Variants in LSM1 observed in about 807,000 individuals in gnomAD.
The protein encoded by LSM1 is LSM1 homolog, mRNA degradation associated.
In LSM1, 13 loss-of-function variants were observed where a neutral mutation model predicts 18.0. The observed-to-expected ratio is 0.72, with a 90% CI of 0.47 to 1.15. LSM1 has a LOEUF of 1.15. Among genes scored for constraint, LSM1 ranks in the 50% most tolerant of loss-of-function variants. The probability of loss-of-function intolerance (pLI) is 0.00; values close to 1 mark genes in which losing one functional copy is unlikely to be tolerated. For missense variants in LSM1, 152 were observed against 157.7 expected (o/e 0.96, Z 0.19); for synonymous variants, 46 against 56.0 (o/e 0.82, Z 0.80).
Position 38,167,883 on chromosome 8 carries a change from T to C in LSM1, c.231+1919A>G, listed in dbSNP as rs1427118092. 4.0e-5 allele frequency among the ~76,000 whole-genome samples: 6 copies of C among 151,286 alleles called. No individual in the cohort carries two copies. The East Asian group carries it at 1.2e-3, about 30-fold the overall frequency. On this transcript the variant is annotated intron_variant, in intron 3 of 3. Coordinates refer to ENST00000311351, the MANE Select transcript of LSM1 (RefSeq NM_014462.3). Reference sequence around the variant, plus strand: ...GGGCAACATAGTGAGACCCCATCTCTGGAAGAAAAAAAATACTGGCAGACT... The same window carrying C: ...GGGCAACATAGTGAGACCCCATCTCCGGAAGAAAAAAAATACTGGCAGACT...
intron 2 of LSM1, among the ~76,000 whole-genome samples, chr8:38,170,777 C>G (rs1216260856): frequency 1.3e-5 from 2 of 152,234 alleles, no homozygotes; most frequent in Non-Finnish European, 2.9e-5. Context: ...TTAATAGCCA[C>G]TACCCTTCCC....
chr8:38,163,761 T>G lies in LSM1; in HGVS notation c.311A>C (p.Gln104Pro). The G allele has an allele frequency of 6.2e-7, 1 of 1,614,212 alleles. No homozygotes were observed. Among genetic ancestry groups the G allele is most frequent in the Non-Finnish European group, 8.5e-7 (1 of 1,180,026 alleles). The change falls in exon 4 of 4, where the codon CAG becomes CCG. Residue 104 changes from glutamine (Q) to proline (P), a missense_variant. Coordinates refer to ENST00000311351, the MANE Select transcript of LSM1 (RefSeq NM_014462.3). The stretch of plus-strand genomic sequence containing the variant: ...CAACTTCTCTGCTTCCAGCTTGGTC[T>G]GCTGTTCCACCCTTTGTTCTTCTAG... ...EILEEQRVEQ[Q>P]TKLEAEKLKV...
At chr8:38,174,253 CAT>C (rs1268375502) in intron 1 of LSM1, among the ~76,000 whole-genome samples, 1 of 151,838 alleles carries the variant, frequency 6.6e-6, no homozygotes, top group East Asian at 1.9e-4. Flanking sequence ...GACAGTAACA[CAT>C]GAGGGGAAGA....
upstream of LSM1, chr8:38,176,536 AGGCG>A (rs1563277196): frequency 1.7e-6 from 1 of 577,852 alleles, no homozygotes; most frequent in Non-Finnish European, 3.1e-6. Context: ...CCCCAGGAAG[AGGCG>A]GGGCAGCCGT....
intron 2 of LSM1, among the ~76,000 whole-genome samples, chr8:38,170,738 A>G (rs528784325): frequency 1.3e-5 from 2 of 152,334 alleles, no homozygotes; most frequent in South Asian, 2.1e-4. Flanking sequence ...ACCTTGACAG[A>G]TAACTATATT....
chr8:38,164,961 C>T (rs1802905198), intron 3 of LSM1, among the ~76,000 whole-genome samples: 1 of 152,174 alleles, frequency 6.6e-6, no homozygotes, highest in Non-Finnish European at 1.5e-5. Flanking sequence ...ACTCTTTTTC[C>T]CTTTACGGCA....
Position 38,163,489 on chromosome 8 carries a change from G to A in LSM1, c.*181C>T. On this transcript the variant is annotated 3_prime_UTR_variant, in exon 4 of 4. Transcript: ENST00000311351. ...CACTGTTTCTTTAAACAGTGATTTT[G>A]TTATTAAAAAAAAAACCCACCTACA... The A allele has an allele frequency of 1.9e-6, 1 of 536,606 alleles. No individual in the cohort carries two copies. Among genetic ancestry groups the A allele is most frequent in the Non-Finnish European group, 3.3e-6 (1 of 306,550 alleles). The allele number at this position is 536,606 out of a possible 1,614,324, so 33.2% of individuals were successfully genotyped here.
At chr8:38,172,178 C>T in intron 1 of LSM1, 145 bp from the exon 2 acceptor site, 1 of 537,524 alleles carries the variant, frequency 1.9e-6, no homozygotes, top group Non-Finnish European at 3.1e-6. Flanking sequence ...CTGAAAAAAG[C>T]AGCACAGCAA....
At chr8:38,165,497 A>C (rs549315395) in intron 3 of LSM1, among the ~76,000 whole-genome samples, 1 of 152,132 alleles carries the variant, frequency 6.6e-6, no homozygotes, top group South Asian at 2.1e-4. Flanking sequence ...CATTTTGATA[A>C]TATCCCTACA....
In LSM1 at chr8:38,163,495, A is replaced by G. The variant is rs1845; in HGVS notation, c.*175T>C. ...TTCTTTAAACAGTGATTTTGTTATT[A>G]AAAAAAAAACCCACCTACACGATTT... On this transcript the variant is annotated 3_prime_UTR_variant, in exon 4 of 4. Transcript: ENST00000311351. 15 of 421,790 alleles carry G rather than the reference A, an allele frequency of 3.6e-5. No individual in the cohort carries two copies. In the East Asian group the frequency reaches 5.1e-4, roughly 14 times the overall value. 26.1% of individuals were successfully genotyped at this position (421,790 alleles called of 1,614,324 possible).
At chr8:38,170,331 C>T (rs925682334) in intron 2 of LSM1, among the ~76,000 whole-genome samples, 4 of 152,182 alleles carry the variant, frequency 2.6e-5, no homozygotes, top group African/African-American at 7.2e-5. Flanking sequence ...GCCACAGTGC[C>T]GGGCCCCCAA....
At chr8:38,171,767 A>T (rs1324425512) in intron 2 of LSM1, among the ~76,000 whole-genome samples, 198 bp downstream of exon 2, 1 of 152,236 alleles carries the variant, frequency 6.6e-6, no homozygotes, top group East Asian at 1.9e-4. Flanking sequence ...AGTTTTAGAA[A>T]CGAGCTTGGA....
At position 38,176,365 on chromosome 8, in the gene LSM1, C is replaced by G. The variant is rs758874491; in HGVS notation, c.-45G>C. 1 of 1,552,740 alleles carries G rather than the reference C, an allele frequency of 6.4e-7. No homozygotes were observed. On this transcript the variant is annotated 5_prime_UTR_variant, in exon 1 of 4. Coordinates refer to ENST00000311351, the MANE Select transcript of LSM1 (RefSeq NM_014462.3). ...GCAATGCACAGCGGCGGGAGGCCAG[C>G]GCGTCCAAAACCTCTTCCCTCCTAC...
intron 1 of LSM1, among the ~76,000 whole-genome samples, chr8:38,174,529 G>C (rs1336696839): frequency 6.6e-6 from 1 of 152,104 alleles, no homozygotes; most frequent in South Asian, 2.1e-4. Context: ...GGGGTTAGAG[G>C]ACCAAAGAGC....
At chr8:38,175,974 C>A in intron 1 of LSM1, 1 of 325,654 alleles carries the variant, frequency 3.1e-6, no homozygotes, top group Non-Finnish European at 5.7e-6. Flanking sequence ...CCTCCCCGGG[C>A]TTCTTTCGTG....
At chr8:38,176,223 C>T in intron 1 of LSM1, 52 bp downstream of exon 1, 2 of 1,549,582 alleles carry the variant, frequency 1.3e-6, no homozygotes, top group Non-Finnish European at 1.8e-6. Context: ...GGCGCCCGCC[C>T]GGGAGGAAGG....
At chr8:38,164,653 C>T (rs904961832) in intron 3 of LSM1, among the ~76,000 whole-genome samples, 6 of 149,758 alleles carry the variant, frequency 4.0e-5, no homozygotes, top group Admixed American at 6.7e-5. Context: ...GAGACCCTAA[C>T]TAACTCCACC....
At chr8:38,175,315 G>A (rs530408462) in intron 1 of LSM1, among the ~76,000 whole-genome samples, 2 of 152,122 alleles carry the variant, frequency 1.3e-5, no homozygotes, top group South Asian at 4.1e-4. Context: ...CGATCTGCCC[G>A]CCTCGGCCCC....
intron 1 of LSM1, chr8:38,175,978 T>A: frequency 3.0e-6 from 1 of 329,368 alleles, no homozygotes; most frequent in Non-Finnish European, 5.6e-6. Flanking sequence ...CCCGGGCTTC[T>A]TTCGTGTTCG....
Sources: allele counts gnomAD v4.1 joint callset (sites outside exome capture counted in the v4.1 genomes callset), GRCh38; gene constraint gnomAD v4.1.1; transcripts MANE v1.5; gene names NCBI Gene and HGNC (gene_info 2026-07-23, HGNC 2026-07-21).